DYNLT2B: variants seen among roughly 807,000 people sequenced by gnomAD.
DYNLT2B encodes the protein dynein light chain Tctex-type protein 2B.
A neutral mutation model predicts 19.5 loss-of-function variants in DYNLT2B; 14 were observed. That is an observed-to-expected ratio of 0.72 (90% confidence interval 0.47 to 1.12). DYNLT2B has a LOEUF of 1.12. DYNLT2B is among the 50% of genes most tolerant of loss of function. DYNLT2B has a pLI of 0.00. For synonymous variants in DYNLT2B, 70 were observed against 59.7 expected, an observed-to-expected ratio of 1.17 and a Z score of -0.79; for missense variants, 133 against 174.7, an observed-to-expected ratio of 0.76 and a Z score of 1.35.
intron 3 of DYNLT2B, among the ~76,000 whole-genome samples, chr3:196,304,280 C>A (rs1221233012): frequency 2.6e-5 from 4 of 151,950 alleles, no homozygotes; most frequent in African/African-American, 9.7e-5. Context: ...TACAGGTGTG[C>A]ACCACCATGC....
chr3:196,296,043 G>T lies in DYNLT2B; in HGVS notation c.344C>A (p.Ala115Asp). 6.2e-7 allele frequency: 1 copy of T among 1,613,850 alleles called. No individual in the cohort carries two copies. The highest frequency in any genetic ancestry group is 8.5e-7 in the Non-Finnish European group (1 of 1,179,866). The change falls in exon 4 of 5, where the codon GCT (alanine) becomes GAT (aspartate). Residue 115 changes from alanine (A) to aspartate (D), a missense_variant. Physicochemically the swap from Ala to Asp is moderately radical, Grantham distance 126. Transcript: ENST00000325318. ...ATCATGAGTATAGTTGTCAGTGTCA[G>T]CATCCCAGAAACAGCGAGAAGCCAT... ...VFMASRCFWD[A>D]DTDNYTHDVF... is the part of the protein sequence containing the mutation.
chr3:196,298,029 G>A lies in DYNLT2B; in HGVS notation c.318-1960C>T, dbSNP rs1331940618. 11 of 187,632 alleles carry A rather than the reference G, an allele frequency of 5.9e-5. 1 individual carries two copies. The highest frequency in any genetic ancestry group is 3.3e-4 in the South Asian group (3 of 9,022). The allele number at this position is 187,632 out of a possible 1,614,324, so 11.6% of individuals were successfully genotyped here. A position where few individuals can be genotyped will look rare whatever the true frequency, so the allele number is the denominator to read the frequency against. ...AAGATGGCCGTGACCTTGATACAGC[G>A]TGAATATGTGTGCCAGCTCACGTGC... On this transcript the variant is annotated intron_variant, in intron 3 of 4. Coordinates refer to ENST00000325318, the MANE Select transcript of DYNLT2B (RefSeq NM_152773.5).
chr3:196,316,476 A>G (rs1048583593), intron 1 of DYNLT2B, among the ~76,000 whole-genome samples: 9 of 152,158 alleles, frequency 5.9e-5, no homozygotes, highest in Non-Finnish European at 1.0e-4. Flanking sequence ...AGGCAACTCA[A>G]TACATCCAAT....
rs1491454362 is a variant in DYNLT2B at position 196,317,062 on chromosome 3, G to GT, written c.114-832_114-831insA. 8.0e-4 allele frequency among the ~76,000 whole-genome samples: 42 copies of GT among 52,270 alleles called. 2 individuals are homozygous for GT. In the South Asian group the frequency reaches 0.011, roughly 13 times the overall value. The allele number at this position is 52,270 out of a possible 152,430, so 34.3% of individuals were successfully genotyped here. A position where few individuals can be genotyped will look rare whatever the true frequency, so the allele number is the denominator to read the frequency against. Reference sequence around the variant, plus strand: ...TGTGTGTGTTGTGTGGTGTGTGTGTGGTGTGTGTGTGTGTGTGTGTGTGTG... The same window carrying GT: ...TGTGTGTGTTGTGTGGTGTGTGTGTGTGTGTGTGTGTGTGTGTGTGTGTGTG... On this transcript the variant is annotated intron_variant, in intron 1 of 4. Coordinates refer to ENST00000325318, the MANE Select transcript of DYNLT2B (RefSeq NM_152773.5).
intron 3 of DYNLT2B, among the ~76,000 whole-genome samples, chr3:196,301,496 T>A (rs1726350956): frequency 6.6e-6 from 1 of 152,160 alleles, no homozygotes; most frequent in Non-Finnish European, 1.5e-5. Flanking sequence ...GCAGATCACT[T>A]GAGATCAGGA....
At chr3:196,308,061 A>G (rs1726539564) in intron 2 of DYNLT2B, among the ~76,000 whole-genome samples, 1 of 148,976 alleles carries the variant, frequency 6.7e-6, no homozygotes, top group Admixed American at 6.8e-5. Context: ...AGCCTGGGTA[A>G]CAAGAGCAAA....
At chr3:196,307,267 A>G (rs67127834) in intron 2 of DYNLT2B, among the ~76,000 whole-genome samples, 83,961 of 151,918 alleles carry the variant, frequency 0.55, 23,832 homozygotes, top group East Asian at 0.9. Context: ...ACCTCCCAAG[A>G]TTGTTATAAG....
chr3:196,300,774 G>T lies in DYNLT2B; in HGVS notation c.318-4705C>A, dbSNP rs571989386. On this transcript the variant is annotated intron_variant, in intron 3 of 4. Transcript: ENST00000325318. ...AAAATAGAAACAAGGGTGAGGCTGGGTGTGGTGGCTCACACCTATAATCCT... is the reference window on the plus strand; with the variant it reads ...AAAATAGAAACAAGGGTGAGGCTGGTTGTGGTGGCTCACACCTATAATCCT... Among the ~76,000 whole-genome samples, 73 of 150,880 alleles carry T rather than the reference G, an allele frequency of 4.8e-4. 3 individuals are homozygous for T. In the South Asian group the frequency reaches 0.014, roughly 29 times the overall value.
At chr3:196,310,069 CAATGA>C (rs1476591547) in intron 2 of DYNLT2B, among the ~76,000 whole-genome samples, 1 of 151,882 alleles carries the variant, frequency 6.6e-6, no homozygotes, top group African/African-American at 2.4e-5. Context: ...CTTATAAACT[CAATGA>C]AATAAGTACT....
intron 2 of DYNLT2B, among the ~76,000 whole-genome samples, chr3:196,308,320 C>T (rs1019598784): frequency 6.6e-6 from 1 of 151,908 alleles, no homozygotes; most frequent in African/African-American, 2.4e-5. Flanking sequence ...TCTCCCCACA[C>T]GTCCGAGAAC....
At chr3:196,309,516 C>T (rs1560191132) in intron 2 of DYNLT2B, among the ~76,000 whole-genome samples, 2 of 151,868 alleles carry the variant, frequency 1.3e-5, no homozygotes, top group East Asian at 1.9e-4. Flanking sequence ...CCATCTGCCT[C>T]GGCCTCCCAA....
At chr3:196,298,905 T>A (rs1577387386) in intron 3 of DYNLT2B, among the ~76,000 whole-genome samples, 1 of 151,974 alleles carries the variant, frequency 6.6e-6, no homozygotes, top group Non-Finnish European at 1.5e-5. Flanking sequence ...CTTTTTAAAA[T>A]TTTTTTATTT....
intron 2 of DYNLT2B, 81 bp downstream of exon 2, chr3:196,316,017 G>C (rs1410295012): frequency 1.3e-6 from 2 of 1,493,582 alleles, no homozygotes; most frequent in Non-Finnish European, 1.8e-6. Context: ...AATGTCCTTT[G>C]TTTAAAGATG....
intron 2 of DYNLT2B, among the ~76,000 whole-genome samples, chr3:196,310,774 C>T (rs1726619271): frequency 6.6e-6 from 1 of 151,696 alleles, no homozygotes; most frequent in Non-Finnish European, 1.5e-5. Flanking sequence ...CTCCCTCTGT[C>T]ACCCAGGCTG....
chr3:196,310,983 G>A (rs371528800), intron 2 of DYNLT2B, among the ~76,000 whole-genome samples: 4 of 151,640 alleles, frequency 2.6e-5, no homozygotes, highest in African/African-American at 7.3e-5. Context: ...CAATCCACCC[G>A]CCTCGGCCTC....
chr3:196,307,709 G>C (rs761428606), intron 2 of DYNLT2B, among the ~76,000 whole-genome samples: 24 of 152,120 alleles, frequency 1.6e-4, no homozygotes, highest in Non-Finnish European at 2.5e-4. Flanking sequence ...CTAGTGAGCT[G>C]AACCTTCAAG....
Position 196,291,274 on chromosome 3 carries a change from A to G in DYNLT2B, c.*53T>C. 1 of 1,523,418 alleles carries G rather than the reference A, an allele frequency of 6.6e-7. No individual in the cohort carries two copies. Among genetic ancestry groups the G allele is most frequent in the South Asian group, 1.2e-5 (1 of 82,748 alleles). The allele number at this position is 1,523,418 out of a possible 1,614,324, so 94.4% of individuals were successfully genotyped here. ...TTGTCAAGATATTTAACAATATTAA[A>G]AAGTTCAGATTTCTTCATGGTCATG... On this transcript the variant is annotated 3_prime_UTR_variant, in exon 5 of 5. Transcript: ENST00000325318.
chr3:196,298,007 A>G, intron 3 of DYNLT2B: 1 of 165,580 alleles, frequency 6.0e-6, no homozygotes, highest in Non-Finnish European at 1.3e-5. Flanking sequence ...CTATAGTAAG[A>G]TGGCCGTGAC....
At chr3:196,311,445 T>A (rs1188177967) in intron 2 of DYNLT2B, among the ~76,000 whole-genome samples, 1 of 150,822 alleles carries the variant, frequency 6.6e-6, no homozygotes, top group Non-Finnish European at 1.5e-5. Flanking sequence ...AAAGAAAAAC[T>A]AATAAATATA....
Sources: gnomAD v4.1 joint callset for allele counts (sites outside exome capture counted in the v4.1 genomes callset) on GRCh38, gnomAD v4.1.1 for gene constraint, MANE v1.5 for transcripts, NCBI Gene and HGNC (gene_info 2026-07-23, HGNC 2026-07-21) for gene names.